HCN3: variants seen among roughly 807,000 people sequenced by gnomAD.
HCN3 encodes hyperpolarization activated cyclic nucleotide gated potassium channel 3.
HCN3 carries 36 observed loss-of-function variants against 56.8 expected under a neutral mutation model. The ratio of observed to expected loss-of-function variants is 0.63; its 90% CI spans 0.49 to 0.84. The LOEUF is 0.84. Among genes scored for constraint, HCN3 ranks in the 40% least tolerant of loss-of-function variants. The pLI is 0.00. For synonymous variants in HCN3, 425 were observed against 439.7 expected (o/e 0.97, Z 0.42); for missense variants, 930 against 1,079.3 (o/e 0.86, Z 1.94).
intron 7 of HCN3, 145 bp downstream of exon 7, chr1:155,287,482 C>A: frequency 1.0e-6 from 1 of 952,428 alleles, no homozygotes; most frequent in Non-Finnish European, 1.6e-6. Flanking sequence ...ACTTTCAACA[C>A]TGTGGCCCAC....
At position 155,282,265 on chromosome 1, in the gene HCN3, C is replaced by T. The variant is rs1674085487; in HGVS notation, c.279-146C>T. The T allele has an allele frequency of 2.6e-6, 2 of 760,486 alleles. No homozygotes were observed. The highest frequency in any genetic ancestry group is 5.6e-5 in the Admixed American group (2 of 35,616). The allele number at this position is 760,486 out of a possible 1,614,324, so 47.1% of individuals were successfully genotyped here. A position where few individuals can be genotyped will look rare whatever the true frequency, so the allele number is the denominator to read the frequency against. ...TGAACTATTTTCCCAAATGGTGGTCCCAACTTATACTCCCAACAGCTGTAA... is the reference window on the plus strand; with the variant it reads ...TGAACTATTTTCCCAAATGGTGGTCTCAACTTATACTCCCAACAGCTGTAA... On this transcript the variant is annotated intron_variant, in intron 1 of 7. Transcript: ENST00000368358. This position sits in a 1 kb window ranked among gnomAD's most constrained non-coding sequence, Gnocchi z 4.7.
rs539038326 is a variant in HCN3 at position 155,287,968 on chromosome 1, C to G, written c.1830C>G (p.Pro610=). The G allele has an allele frequency of 1.9e-6, 3 of 1,613,962 alleles. No homozygotes were observed. The highest frequency in any genetic ancestry group is 2.5e-6 in the Non-Finnish European group (3 of 1,180,018). The change falls in exon 8 of 8, where the codon CCC becomes CCG. Residue 610 remains proline (P), a synonymous_variant. Transcript: ENST00000368358. ...PVLWEPLVHA[P]LQAAAVTSNV... ...TGTGGGAGCCACTGGTACATGCGCC[C>G]CTTCAGGCAGCTGCTGTGACCTCCA...
intron 1 of HCN3, chr1:155,278,271 T>A: frequency 1.3e-5 from 3 of 225,950 alleles, no homozygotes; most frequent in South Asian, 1.5e-4. Flanking sequence ...GAAGCCGAGC[T>A]CCGCCATCTC....
In HCN3 at chr1:155,288,436, G is replaced by A; in HGVS notation, c.2298G>A (p.Arg766=). 6.2e-7 allele frequency: 1 copy of A among 1,606,022 alleles called. No individual in the cohort carries two copies. The highest frequency in any genetic ancestry group is 1.1e-5 in the South Asian group (1 of 90,156). ...RPPVPEPATP[R]GLQLSANM is the part of the protein sequence containing the mutation. ...CAGTGCCTGAGCCAGCCACACCCCG[G>A]GGTCTCCAGCTTTCTGCCAACATGT... Residue 766 remains arginine (R), a synonymous_variant, in exon 8 of 8, where the codon CGG becomes CGA. Coordinates refer to ENST00000368358, the MANE Select transcript of HCN3 (RefSeq NM_020897.3). The surrounding 1 kb of genome is among the most constrained non-coding windows in gnomAD (Gnocchi z 6.5).
intron 1 of HCN3, 32 bp downstream of exon 1, chr1:155,277,900 C>T (rs997025905): frequency 6.2e-7 from 1 of 1,600,428 alleles, no homozygotes; most frequent in Non-Finnish European, 8.5e-7. Context: ...GGGCAGGGTA[C>T]ATCAATCCCA....
rs556530050 is a variant in HCN3 at position 155,288,915 on chromosome 1, C to T, written c.*452C>T. On this transcript the variant is annotated 3_prime_UTR_variant, in exon 8 of 8. Transcript: ENST00000368358. This position sits in a 1 kb window ranked among gnomAD's most constrained non-coding sequence, Gnocchi z 6.5. ...TGCCAATGATCCTGCAGGTTCTGCCCGGTCTGGTTATCTTCCTGTTCCTGT... is the reference window on the plus strand; with the variant it reads ...TGCCAATGATCCTGCAGGTTCTGCCTGGTCTGGTTATCTTCCTGTTCCTGT... 1.4e-4 allele frequency: 23 copies of T among 164,910 alleles called. No homozygotes were observed. In the South Asian group the frequency reaches 4.2e-3, roughly 30 times the overall value. 10.2% of individuals were successfully genotyped at this position (164,910 alleles called of 1,614,324 possible).
At position 155,285,912 on chromosome 1, in the gene HCN3, G is replaced by A; in HGVS notation, c.1425G>A (p.Val475=). The A allele has an allele frequency of 6.2e-7, 1 of 1,609,884 alleles. No homozygotes were observed. Among genetic ancestry groups the A allele is most frequent in the Non-Finnish European group, 8.5e-7 (1 of 1,176,590 alleles). Residue 475 remains valine (V), a synonymous_variant, in exon 6 of 8, where the codon GTG becomes GTA. Transcript: ENST00000368358. This position sits in a 1 kb window ranked among gnomAD's most constrained non-coding sequence, Gnocchi z 4.5. ...MYFIQHGLLS[V]LARGARDTRL... is the part of the protein sequence containing the mutation. ...TCATCCAGCATGGGCTGCTCAGTGT[G>A]CTGGCCCGCGGCGCCCGGGACACAC...
intron 1 of HCN3, 25 bp downstream of exon 1, chr1:155,277,893 C>CA: frequency 6.2e-7 from 1 of 1,604,132 alleles, no homozygotes; most frequent in Non-Finnish European, 8.5e-7. Flanking sequence ...GCGGGGAGGG[C>CA]AGGGTACATC....
In HCN3 at chr1:155,284,315, G is replaced by C; in HGVS notation, c.870+180G>C. The C allele has an allele frequency of 1.2e-6, 1 of 858,454 alleles. No homozygotes were observed. The highest frequency in any genetic ancestry group is 1.8e-5 in the South Asian group (1 of 56,038). The allele number at this position is 858,454 out of a possible 1,614,324, so 53.2% of individuals were successfully genotyped here. A position where few individuals can be genotyped will look rare whatever the true frequency, so the allele number is the denominator to read the frequency against. On this transcript the variant is annotated intron_variant, in intron 3 of 7. Coordinates refer to ENST00000368358, the MANE Select transcript of HCN3 (RefSeq NM_020897.3). The surrounding 1 kb of genome is among the most constrained non-coding windows in gnomAD (Gnocchi z 4.3). The stretch of plus-strand genomic sequence containing the variant: ...CCAGAAGAAGTGCTCGTGTGTTGGA[G>C]GGAGCAGGCAAAGGAAGGGTACCTA...
Position 155,285,736 on chromosome 1 carries a change from T to C in HCN3, c.1249T>C (p.Phe417Leu). The C allele has an allele frequency of 6.2e-7, 1 of 1,614,076 alleles. No individual in the cohort carries two copies. Among genetic ancestry groups the C allele is most frequent in the Non-Finnish European group, 8.5e-7 (1 of 1,179,992 alleles). Residue 417 changes from phenylalanine to leucine, a missense_variant, in exon 6 of 8, where the codon TTC becomes CTC. By Grantham distance (22) the Phe-to-Leu change is conservative (BLOSUM62 0). Coordinates refer to ENST00000368358, the MANE Select transcript of HCN3 (RefSeq NM_020897.3). The surrounding 1 kb of genome is among the most constrained non-coding windows in gnomAD (Gnocchi z 4.5). ...SEPLREEIIN[F>L]TCRGLVAHMP... is the part of the protein sequence containing the mutation. ...CTCCCCTGTCCAGGAGATCATTAAC[T>C]TCACCTGTCGGGGCCTGGTGGCCCA...
Position 155,277,678 on chromosome 1 carries a change from G to A in HCN3, c.88G>A (p.Ala30Thr), listed in dbSNP as rs539174603. 5 of 1,559,534 alleles carry A rather than the reference G, an allele frequency of 3.2e-6. No individual in the cohort carries two copies. The East Asian group carries it at 7.2e-5, about 22-fold the overall frequency. ...GGTGCCTCCCGTTGCTCCCCCGCCT[G>A]CGACCGCGGCCTCAGGTCCGATCCC... ...EAVPPVAPPP[A>T]TAASGPIPKS... Residue 30 changes from alanine to threonine, a missense_variant, in exon 1 of 8, where the codon GCG becomes ACG. Ala to Thr is a moderately conservative substitution (Grantham distance 58, BLOSUM62 0). Coordinates refer to ENST00000368358, the MANE Select transcript of HCN3 (RefSeq NM_020897.3).
intron 1 of HCN3, among the ~76,000 whole-genome samples, chr1:155,280,738 ATTTTTTT>A (rs34480594): frequency 4.6e-4 from 16 of 34,562 alleles, no homozygotes; most frequent in African/African-American, 8.3e-4. Context: ...ACGCCCAGCT[ATTTTTTT>A]TTTTTTTTTT....
In HCN3 at chr1:155,282,744, A is replaced by C; in HGVS notation, c.612A>C (p.Ala204=). ...PRLDAEVYKT[A]RALRIVRFTK... ...TGGACGCTGAGGTCTACAAAACGGC[A>C]CGGGCCCTACGCATCGTTCGCTTCA... Residue 204 remains alanine, a synonymous_variant, in exon 2 of 8, where the codon GCA becomes GCC. Transcript: ENST00000368358. This position sits in a 1 kb window ranked among gnomAD's most constrained non-coding sequence, Gnocchi z 4.7. The C allele has an allele frequency of 1.2e-6, 2 of 1,614,106 alleles. No homozygotes were observed. The highest frequency in any genetic ancestry group is 1.7e-6 in the Non-Finnish European group (2 of 1,180,012).
At position 155,282,297 on chromosome 1, in the gene HCN3, AT is replaced by A; in HGVS notation, c.279-112del. The A allele has an allele frequency of 1.0e-6, 1 of 966,070 alleles. No homozygotes were observed. The highest frequency in any genetic ancestry group is 2.4e-5 in the East Asian group (1 of 40,932). 59.8% of individuals were successfully genotyped at this position (966,070 alleles called of 1,614,324 possible). On this transcript the variant is annotated intron_variant, in intron 1 of 7. Coordinates refer to ENST00000368358, the MANE Select transcript of HCN3 (RefSeq NM_020897.3). This position sits in a 1 kb window ranked among gnomAD's most constrained non-coding sequence, Gnocchi z 4.7. ...ATACTCCCAACAGCTGTAAACAGTC[AT>A]TCTGTTATTGTGTATCTTTGCCCAT... is the stretch of plus-strand genomic sequence containing the variant.
chr1:155,278,831 C>G (rs145609188), intron 1 of HCN3, among the ~76,000 whole-genome samples: 17 of 152,308 alleles, frequency 1.1e-4, no homozygotes, highest in Non-Finnish European at 1.9e-4. Flanking sequence ...TTTCTAGTCT[C>G]CTGTGGATCT....
Position 155,277,686 on chromosome 1 carries a change from G to A in HCN3, c.96G>A (p.Ala32=). 1.3e-6 allele frequency: 2 copies of A among 1,563,706 alleles called. No homozygotes were observed. The highest frequency in any genetic ancestry group is 8.7e-7 in the Non-Finnish European group (1 of 1,154,986). The change falls in exon 1 of 8, where the codon GCG becomes GCA. Residue 32 remains alanine, a synonymous_variant. Transcript: ENST00000368358. ...CCGTTGCTCCCCCGCCTGCGACCGC[G>A]GCCTCAGGTCCGATCCCCAAATCTG... ...VPPVAPPPAT[A]ASGPIPKSGP... is the part of the protein sequence containing the mutation.
rs758222355 is a variant in HCN3 at position 155,287,902 on chromosome 1, G to A, written c.1764G>A (p.Arg588=). Residue 588 remains arginine, a synonymous_variant, in exon 8 of 8, where the codon CGG becomes CGA. Coordinates refer to ENST00000368358, the MANE Select transcript of HCN3 (RefSeq NM_020897.3). ...DRDMARGVRG[R]APSTGAQLSG... The stretch of plus-strand genomic sequence containing the variant: ...ACATGGCTCGGGGTGTTCGGGGTCG[G>A]GCCCCGAGCACAGGAGCTCAGCTTA... 1 of 1,613,972 alleles carries A rather than the reference G, an allele frequency of 6.2e-7. No individual in the cohort carries two copies. The highest frequency in any genetic ancestry group is 2.2e-5 in the East Asian group (1 of 44,862).
chr1:155,284,156 T>C lies in HCN3; in HGVS notation c.870+21T>C, dbSNP rs369355977. On this transcript the variant is annotated intron_variant, in intron 3 of 7. Coordinates refer to ENST00000368358, the MANE Select transcript of HCN3 (RefSeq NM_020897.3). The surrounding 1 kb of genome is among the most constrained non-coding windows in gnomAD (Gnocchi z 4.3). ...TGGTGGTGAGAAGTCCCCACAGCTC[T>C]GCCTTTCCTGGGCCTTCTTAGGGCT... The C allele has an allele frequency of 1.9e-6, 3 of 1,610,922 alleles. No homozygotes were observed. The highest frequency in any genetic ancestry group is 2.5e-6 in the Non-Finnish European group (3 of 1,177,434).
chr1:155,277,757 C>T lies in HCN3; in HGVS notation c.167C>T (p.Thr56Met), dbSNP rs750542596. Residue 56 changes from threonine (T) to methionine (M), a missense_variant, in exon 1 of 8, where the codon ACG becomes ATG. Thr to Met is a moderately conservative substitution (Grantham distance 81, BLOSUM62 -1). Transcript: ENST00000368358. ...RRHLGTLLQP[T>M]VNKFSLRVFG... ...CACCTTGGGACGCTGCTCCAGCCTA[C>T]GGTCAACAAGTTCTCCCTTCGGGTG... 1 of 1,607,258 alleles carries T rather than the reference C, an allele frequency of 6.2e-7. No individual in the cohort carries two copies. The highest frequency in any genetic ancestry group is 1.1e-5 in the South Asian group (1 of 89,892).
Sources: gnomAD v4.1 joint callset for allele counts (sites outside exome capture counted in the v4.1 genomes callset) on GRCh38, gnomAD v4.1.1 for gene constraint, Gnocchi (gnomAD v3.1) non-coding constraint, MANE v1.5 for transcripts, NCBI Gene and HGNC (gene_info 2026-07-23, HGNC 2026-07-21) for gene names.